KAZN: variants seen among roughly 807,000 people sequenced by gnomAD.
The protein encoded by KAZN is kazrin, periplakin interacting protein.
In KAZN, 40 loss-of-function variants were observed where a neutral mutation model predicts 87.4. That is an observed-to-expected ratio of 0.46 (90% confidence interval 0.36 to 0.60). The LOEUF is 0.60. Among genes scored for constraint, KAZN ranks in the 20% least tolerant of loss-of-function variants. KAZN has a pLI of 0.00. For missense variants in KAZN, 898 were observed against 1,073.9 expected (o/e 0.84, Z 2.29); for synonymous variants, 466 against 458.3 (o/e 1.02, Z -0.22).
chr1:14,132,275 G>A (rs1041763649), intron 1 of KAZN, among the ~76,000 whole-genome samples: 7 of 152,156 alleles, frequency 4.6e-5, no homozygotes, highest in Admixed American at 1.3e-4. Context: ...GAATTCAGAT[G>A]GGATGTGCTA....
At chr1:14,418,196 TG>T (rs1032114467) in intron 2 of KAZN, among the ~76,000 whole-genome samples, 3 of 151,908 alleles carry the variant, frequency 2.0e-5, no homozygotes, top group African/African-American at 7.3e-5. Flanking sequence ...AAGGTAGTGT[TG>T]ATGAGATATT....
intron 1 of KAZN, among the ~76,000 whole-genome samples, chr1:14,950,016 G>A (rs1572901108): frequency 6.6e-6 from 1 of 151,948 alleles, no homozygotes. Flanking sequence ...CCACCTAACG[G>A]AAAAAACAGT....
At chr1:14,254,850 C>T (rs1470859975) in intron 2 of KAZN, among the ~76,000 whole-genome samples, 4 of 152,190 alleles carry the variant, frequency 2.6e-5, no homozygotes, top group South Asian at 2.1e-4. Flanking sequence ...AGGCTGGACA[C>T]GGTGGCTCAT....
chr1:14,002,581 C>T (rs888385839), intron 1 of KAZN, among the ~76,000 whole-genome samples: 17 of 152,088 alleles, frequency 1.1e-4, no homozygotes, highest in African/African-American at 3.4e-4. Flanking sequence ...GTTTTGGGTG[C>T]GTCTTTATCA....
intron 2 of KAZN, among the ~76,000 whole-genome samples, chr1:14,392,284 G>A (rs1662510058): frequency 6.6e-6 from 1 of 152,194 alleles, no homozygotes; most frequent in Admixed American, 6.5e-5. Context: ...GGGTGGACAT[G>A]TACATATATA....
chr1:14,872,429 G>A (rs1039350492), intron 1 of KAZN, among the ~76,000 whole-genome samples: 1 of 152,058 alleles, frequency 6.6e-6, no homozygotes, highest in African/African-American at 2.4e-5. Context: ...GCCACATATG[G>A]CTAACAGCAA....
intron 2 of KAZN, among the ~76,000 whole-genome samples, chr1:14,328,884 G>A (rs143797469): frequency 6.6e-6 from 1 of 152,002 alleles, no homozygotes; most frequent in African/African-American, 2.4e-5. Flanking sequence ...ATGTTGGGAG[G>A]GTGACATGTC....
chr1:14,618,306 A>G (rs2148634747), intron 1 of KAZN, among the ~76,000 whole-genome samples: 1 of 152,308 alleles, frequency 6.6e-6, no homozygotes, highest in South Asian at 2.1e-4. Context: ...TGGTGACATG[A>G]CTTTGGACTA....
At chr1:15,009,323 A>T (rs1194572092) in intron 2 of KAZN, among the ~76,000 whole-genome samples, 1 of 152,190 alleles carries the variant, frequency 6.6e-6, no homozygotes, top group Non-Finnish European at 1.5e-5. Context: ...GAAGAGAGGG[A>T]GGGCGCCATG....
At chr1:13,995,850 T>A (rs955477088) in intron 1 of KAZN, among the ~76,000 whole-genome samples, 1 of 152,338 alleles carries the variant, frequency 6.6e-6, no homozygotes, top group East Asian at 1.9e-4. Flanking sequence ...TTTCCAGATT[T>A]TTTTTCTGCT....
At position 14,941,009 on chromosome 1, in the gene KAZN, G is replaced by A. The variant is rs1165565282; in HGVS notation, c.227-19675G>A. On this transcript the variant is annotated intron_variant, in intron 1 of 14. Coordinates refer to ENST00000376030, the MANE Select transcript of KAZN (RefSeq NM_201628.3). ...CGGCTCACTGTAACCCCTGCCTCCC[G>A]GGTTCAAGTGATTCTCCTGCCTCGG... 2.1e-5 allele frequency among the ~76,000 whole-genome samples: 3 copies of A among 141,774 alleles called. No individual in the cohort carries two copies. In the South Asian group the frequency reaches 7.1e-4, roughly 34 times the overall value. The allele number at this position is 141,774 out of a possible 152,430, so 93.0% of individuals were successfully genotyped here. A position where few individuals can be genotyped will look rare whatever the true frequency, so the allele number is the denominator to read the frequency against.
chr1:14,996,377 G>C lies in KAZN; in HGVS notation c.418+35502G>C, dbSNP rs1316376461. Among the ~76,000 whole-genome samples the C allele has an allele frequency of 6.6e-6, 1 of 152,128 alleles. No homozygotes were observed. The highest frequency in any genetic ancestry group is 1.5e-5 in the Non-Finnish European group (1 of 68,036). ...TTTTAACATATTGGGTTGCTTGGCTGTCCCGGCACATCATGGGGGCCTCAG... is the reference window on the plus strand; with the variant it reads ...TTTTAACATATTGGGTTGCTTGGCTCTCCCGGCACATCATGGGGGCCTCAG... On this transcript the variant is annotated intron_variant, in intron 2 of 14. Transcript: ENST00000376030. The surrounding 1 kb of genome is among the most constrained non-coding windows in gnomAD (Gnocchi z 5.9).
At chr1:14,625,197 C>T (rs922685525) in intron 1 of KAZN, among the ~76,000 whole-genome samples, 1 of 151,962 alleles carries the variant, frequency 6.6e-6, no homozygotes. Flanking sequence ...TTTCCTTGAG[C>T]GAGTTTTCTG....
At chr1:14,765,651 G>C (rs1417695835) in intron 1 of KAZN, among the ~76,000 whole-genome samples, 1 of 152,196 alleles carries the variant, frequency 6.6e-6, no homozygotes, top group African/African-American at 2.4e-5. Context: ...GGGAAGGAAG[G>C]AGTGTTGGTA....
At chr1:15,050,252 G>A (rs28505714) in intron 4 of KAZN, among the ~76,000 whole-genome samples, 35,608 of 151,376 alleles carry the variant, frequency 0.24, 4,803 homozygotes, top group East Asian at 0.67. Context: ...GTGCAGGGAA[G>A]TGAGGCAGTG....
chr1:14,378,595 A>G (rs949786694), intron 2 of KAZN, among the ~76,000 whole-genome samples: 1 of 152,202 alleles, frequency 6.6e-6, no homozygotes, highest in African/African-American at 2.4e-5. Flanking sequence ...TGAGTGCAGC[A>G]ATTATGAGAC....
chr1:14,487,846 A>T (rs1037823565), intron 2 of KAZN, among the ~76,000 whole-genome samples: 2 of 152,152 alleles, frequency 1.3e-5, no homozygotes, highest in African/African-American at 2.4e-5. Flanking sequence ...TGGCTTGCAG[A>T]TCTGGGTAGA....
intron 2 of KAZN, among the ~76,000 whole-genome samples, chr1:14,336,571 C>T (rs1657285890): frequency 1.3e-5 from 2 of 152,218 alleles, no homozygotes; most frequent in African/African-American, 4.8e-5. Context: ...TGTTACATTC[C>T]TACCAGCAAT....
intron 1 of KAZN, among the ~76,000 whole-genome samples, chr1:14,930,957 G>A (rs1481710774): frequency 1.3e-5 from 2 of 152,110 alleles, no homozygotes; most frequent in African/African-American, 4.8e-5. Context: ...GGCTCCTGAC[G>A]GGAGACTCCC....
Sources: gnomAD v4.1 joint callset for allele counts (sites outside exome capture counted in the v4.1 genomes callset) on GRCh38, gnomAD v4.1.1 for gene constraint, Gnocchi (gnomAD v3.1) non-coding constraint, MANE v1.5 for transcripts, NCBI Gene and HGNC (gene_info 2026-07-23, HGNC 2026-07-21) for gene names.